The following CNTNAP2 variants were observed in gnomAD, a reference collection of about 807,000 sequenced individuals.
The protein encoded by CNTNAP2 is contactin associated protein 2.
In CNTNAP2, 98 loss-of-function variants were observed where a neutral mutation model predicts 155.2. The observed-to-expected ratio is 0.63, with a 90% CI of 0.54 to 0.75. The LOEUF is 0.75. Among genes scored for constraint, CNTNAP2 ranks in the 30% least tolerant of loss-of-function variants. The pLI is 0.00. For synonymous variants in CNTNAP2, 651 were observed against 631.2 expected (o/e 1.03, Z -0.47); for missense variants, 1,727 against 1,688.1 (o/e 1.02, Z -0.40).
At chr7:148,074,079 A>T (rs1803432009) in intron 15 of CNTNAP2, among the ~76,000 whole-genome samples, 1 of 152,194 alleles carries the variant, frequency 6.6e-6, no homozygotes, top group African/African-American at 2.4e-5. Flanking sequence ...CTGCACATAA[A>T]AGAGAATTTC....
intron 15 of CNTNAP2, among the ~76,000 whole-genome samples, chr7:148,058,354 T>C (rs1162445776): frequency 6.6e-6 from 1 of 152,006 alleles, no homozygotes; most frequent in East Asian, 1.9e-4. Flanking sequence ...GGAGAAACCA[T>C]CCCCTCCACA....
At chr7:148,030,420 G>C (rs951406376) in intron 15 of CNTNAP2, among the ~76,000 whole-genome samples, 3 of 152,136 alleles carry the variant, frequency 2.0e-5, no homozygotes, top group African/African-American at 7.2e-5. Context: ...TTAAAGAAAA[G>C]TTTGATTGTC....
intron 1 of CNTNAP2, among the ~76,000 whole-genome samples, chr7:146,482,854 G>C (rs770192864): frequency 2.6e-5 from 4 of 152,054 alleles, no homozygotes; most frequent in African/African-American, 7.2e-5. Flanking sequence ...ACATACTCAT[G>C]GTCGAGAAAT....
rs148515017 is a variant in CNTNAP2, at chr7:146,834,253, T to C, written c.209-5458T>C. On this transcript the variant is annotated intron_variant, in intron 2 of 23. Transcript: ENST00000361727. ...TAAATTCCTCTTTTGTCTGACTTAC[T>C]GAATTACAAATTACAAAGCAAAAAT... is the stretch of plus-strand genomic sequence containing the variant. Among the ~76,000 whole-genome samples, 433 of 152,310 alleles carry C rather than the reference T, an allele frequency of 2.8e-3. 2 individuals carry two copies. Among genetic ancestry groups the C allele is most frequent in the African/African-American group, 9.9e-3 (410 of 41,560 alleles).
intron 1 of CNTNAP2, among the ~76,000 whole-genome samples, chr7:146,763,498 T>G (rs968576803): frequency 1.3e-5 from 2 of 152,202 alleles, no homozygotes; most frequent in African/African-American, 4.8e-5. Flanking sequence ...GGTTGTTCAC[T>G]GTTGTCCCCC....
intron 1 of CNTNAP2, among the ~76,000 whole-genome samples, chr7:146,202,429 T>C (rs1011411359): frequency 7.9e-5 from 12 of 152,186 alleles, no homozygotes; most frequent in Non-Finnish European, 1.5e-4. Context: ...TGTATCTAAT[T>C]CTAATTTGAA....
chr7:148,320,045 C>T lies in CNTNAP2; in HGVS notation c.3475+52919C>T, dbSNP rs534935200. Among the ~76,000 whole-genome samples the T allele has an allele frequency of 1.1e-4, 16 of 152,130 alleles. No homozygotes were observed. In the South Asian group the frequency reaches 2.1e-3, roughly 20 times the overall value. On this transcript the variant is annotated intron_variant, in intron 21 of 23. Coordinates refer to ENST00000361727, the MANE Select transcript of CNTNAP2 (RefSeq NM_014141.6). ...TCTTGTGATTATGTATTTTAATGAG[C>T]GCATTTCCTTTTCATATGGAGAAGG...
intron 15 of CNTNAP2, among the ~76,000 whole-genome samples, chr7:148,022,495 G>T (rs1451711322): frequency 7.4e-6 from 1 of 134,292 alleles, no homozygotes; most frequent in Non-Finnish European, 1.6e-5. Context: ...GAAAAGAAAA[G>T]AAAAAGAATC....
At chr7:147,183,997 A>C (rs1050743302) in intron 8 of CNTNAP2, among the ~76,000 whole-genome samples, 1 of 152,208 alleles carries the variant, frequency 6.6e-6, no homozygotes, top group Non-Finnish European at 1.5e-5. Context: ...TAGGTCTTTA[A>C]AAACATCACA....
intron 20 of CNTNAP2, among the ~76,000 whole-genome samples, chr7:148,245,445 G>GGGA (rs942971541): frequency 2.0e-5 from 3 of 152,228 alleles, no homozygotes; most frequent in African/African-American, 7.2e-5. Context: ...GAGGATGAAG[G>GGGA]GGAGGACCAG....
At chr7:147,140,039 C>T (rs1289830257) in intron 8 of CNTNAP2, among the ~76,000 whole-genome samples, 1 of 152,046 alleles carries the variant, frequency 6.6e-6, no homozygotes, top group Non-Finnish European at 1.5e-5. Flanking sequence ...AAATTCTGTG[C>T]TATTTCTGAG....
chr7:147,954,612 CAT>C (rs1800988919), intron 14 of CNTNAP2, among the ~76,000 whole-genome samples: 1 of 152,098 alleles, frequency 6.6e-6, no homozygotes, highest in East Asian at 1.9e-4. Flanking sequence ...CACTGAAAAG[CAT>C]AGTTATTTTC....
intron 1 of CNTNAP2, among the ~76,000 whole-genome samples, chr7:146,571,429 C>A (rs1460336818): frequency 1.3e-5 from 2 of 151,820 alleles, no homozygotes; most frequent in Non-Finnish European, 2.9e-5. Flanking sequence ...TTAACGCCAC[C>A]AAAAAATTGA....
chr7:146,689,017 G>A (rs1800651891), intron 1 of CNTNAP2, among the ~76,000 whole-genome samples: 1 of 152,058 alleles, frequency 6.6e-6, no homozygotes, highest in East Asian at 1.9e-4. Flanking sequence ...AATTATAAAT[G>A]TTGGCATTTT....
chr7:148,405,765 G>A (rs1364143211), intron 22 of CNTNAP2, among the ~76,000 whole-genome samples: 4 of 151,208 alleles, frequency 2.6e-5, no homozygotes, highest in Non-Finnish European at 4.4e-5. Flanking sequence ...ACAGGCGCAC[G>A]CCATCATGCC....
intron 13 of CNTNAP2, among the ~76,000 whole-genome samples, chr7:147,757,862 C>T (rs530420142): frequency 3.3e-5 from 5 of 152,024 alleles, no homozygotes; most frequent in African/African-American, 1.2e-4. Flanking sequence ...AGCAAGTTGC[C>T]GTCTTGATTA....
intron 9 of CNTNAP2, among the ~76,000 whole-genome samples, chr7:147,305,384 T>A (rs1795010045): frequency 6.6e-6 from 1 of 152,204 alleles, no homozygotes; most frequent in Non-Finnish European, 1.5e-5. Context: ...TTCAAGCATT[T>A]GGCTGCCTGA....
At chr7:147,703,574 T>G (rs1201119168) in intron 13 of CNTNAP2, among the ~76,000 whole-genome samples, 1 of 152,168 alleles carries the variant, frequency 6.6e-6, no homozygotes, top group Admixed American at 6.6e-5. Context: ...GATCCATGAT[T>G]TTTGGATACA....
At chr7:146,337,982 C>A (rs922457823) in intron 1 of CNTNAP2, among the ~76,000 whole-genome samples, 6 of 152,066 alleles carry the variant, frequency 3.9e-5, no homozygotes, top group African/African-American at 1.4e-4. Context: ...TGAGATATTT[C>A]CAGGTAACAT....
Sources: gnomAD v4.1 joint callset for allele counts (sites outside exome capture counted in the v4.1 genomes callset) on GRCh38, gnomAD v4.1.1 for gene constraint, MANE v1.5 for transcripts, NCBI Gene and HGNC (gene_info 2026-07-23, HGNC 2026-07-21) for gene names.